The following LRRC4C variants were observed in gnomAD, a reference collection of about 807,000 sequenced individuals.
LRRC4C encodes leucine-rich repeat-containing protein 4C.
A neutral mutation model predicts 33.6 loss-of-function variants in LRRC4C; 5 were observed. The observed-to-expected ratio is 0.15, with a 90% confidence interval of 0.08 to 0.31. The LOEUF is 0.31. LRRC4C is among the 10% of genes least tolerant of loss of function. The probability of loss-of-function intolerance (pLI) is 1.00; values close to 1 mark genes in which losing one functional copy is unlikely to be tolerated. For missense variants in LRRC4C, 560 were observed against 796.7 expected (o/e 0.70, Z 3.58); for synonymous variants, 329 against 302.0 (o/e 1.09, Z -0.93).
intron 1 of LRRC4C, among the ~76,000 whole-genome samples, chr11:41,442,621 C>T (rs1955670528): frequency 6.6e-6 from 1 of 151,728 alleles, no homozygotes. Context: ...AGGCGCCCAT[C>T]ACCACGCCCA....
At chr11:40,316,206 A>G (rs1035862077) in intron 4 of LRRC4C, among the ~76,000 whole-genome samples, 1 of 152,012 alleles carries the variant, frequency 6.6e-6, no homozygotes, top group Admixed American at 6.6e-5. Flanking sequence ...GAAATTATGT[A>G]ACTCATTATA....
intron 3 of LRRC4C, among the ~76,000 whole-genome samples, chr11:40,646,200 C>T (rs568230462): frequency 6.6e-6 from 1 of 152,042 alleles, no homozygotes; most frequent in Admixed American, 6.6e-5. Flanking sequence ...GCTGCAGAGG[C>T]CATGATAGGC....
At chr11:40,681,307 A>G (rs1371801533) in intron 2 of LRRC4C, among the ~76,000 whole-genome samples, 1 of 152,184 alleles carries the variant, frequency 6.6e-6, no homozygotes, top group African/African-American at 2.4e-5. Flanking sequence ...CTTTCAAAAA[A>G]CCTAAGAGTC....
At chr11:40,451,938 G>T (rs1951906482) in intron 3 of LRRC4C, among the ~76,000 whole-genome samples, 1 of 152,076 alleles carries the variant, frequency 6.6e-6, no homozygotes, top group Admixed American at 6.6e-5. Context: ...TCAGACAGTG[G>T]GTGCAGGACA....
At chr11:40,131,822 G>A (rs1167313820) in intron 6 of LRRC4C, among the ~76,000 whole-genome samples, 2 of 152,064 alleles carry the variant, frequency 1.3e-5, no homozygotes, top group Non-Finnish European at 2.9e-5. Flanking sequence ...TGGTTGATGC[G>A]TCAACTATAA....
chr11:41,432,887 G>T (rs1478092471), intron 1 of LRRC4C, among the ~76,000 whole-genome samples: 1 of 152,156 alleles, frequency 6.6e-6, no homozygotes, highest in Non-Finnish European at 1.5e-5. Context: ...TCTGCAGGAA[G>T]TTTCCCACTT....
At chr11:40,156,252 A>C (rs547430012) in intron 5 of LRRC4C, among the ~76,000 whole-genome samples, 2 of 152,276 alleles carry the variant, frequency 1.3e-5, no homozygotes, top group South Asian at 4.1e-4. Flanking sequence ...ATAATACCGA[A>C]TGGGGAAAAG....
At chr11:41,249,343 T>C (rs1948563177) in intron 1 of LRRC4C, among the ~76,000 whole-genome samples, 1 of 152,116 alleles carries the variant, frequency 6.6e-6, no homozygotes, top group Non-Finnish European at 1.5e-5. Context: ...CAAGATACTA[T>C]CTTCTTATAC....
intron 5 of LRRC4C, among the ~76,000 whole-genome samples, chr11:40,188,730 AC>A (rs1807540974): frequency 6.6e-6 from 1 of 152,192 alleles, no homozygotes; most frequent in Non-Finnish European, 1.5e-5. Flanking sequence ...ACACATGCAC[AC>A]ACACATACAT....
At chr11:41,120,866 A>G (rs1209252915) in intron 1 of LRRC4C, among the ~76,000 whole-genome samples, 1 of 151,996 alleles carries the variant, frequency 6.6e-6, no homozygotes, top group African/African-American at 2.4e-5. Context: ...ATGAAATCTG[A>G]TGGTATAAGT....
At chr11:40,980,417 A>C (rs1307369564) in intron 1 of LRRC4C, among the ~76,000 whole-genome samples, 1 of 152,236 alleles carries the variant, frequency 6.6e-6, no homozygotes, top group Non-Finnish European at 1.5e-5. Context: ...AATTCAATTT[A>C]GAGTAGTTTT....
chr11:40,879,771 G>A (rs1377013824), intron 2 of LRRC4C, among the ~76,000 whole-genome samples: 1 of 152,020 alleles, frequency 6.6e-6, no homozygotes, highest in African/African-American at 2.4e-5. Context: ...AATAAATAAG[G>A]CAAAAAGATT....
intron 5 of LRRC4C, among the ~76,000 whole-genome samples, chr11:40,159,910 T>C (rs1206918539): frequency 6.6e-6 from 1 of 152,236 alleles, no homozygotes; most frequent in Non-Finnish European, 1.5e-5. Flanking sequence ...TAGAATAATA[T>C]TTGGCATGTA....
At chr11:41,410,848 T>C (rs541631314) in intron 1 of LRRC4C, among the ~76,000 whole-genome samples, 3 of 152,138 alleles carry the variant, frequency 2.0e-5, no homozygotes, top group African/African-American at 7.2e-5. Context: ...ATCCAGACAA[T>C]AATCCTTTAT....
At chr11:40,727,651 T>G (rs1025159992) in intron 2 of LRRC4C, among the ~76,000 whole-genome samples, 1 of 152,180 alleles carries the variant, frequency 6.6e-6, no homozygotes, top group East Asian at 1.9e-4. Flanking sequence ...TCACAAACTA[T>G]GCATTCAACA....
intron 1 of LRRC4C, among the ~76,000 whole-genome samples, chr11:41,226,030 T>A (rs1262158553): frequency 2.6e-5 from 4 of 152,202 alleles, no homozygotes; most frequent in Non-Finnish European, 5.9e-5. Flanking sequence ...AGTGGTTTAA[T>A]GATTTTATGT....
At chr11:40,707,733 T>A (rs1946241327) in intron 2 of LRRC4C, among the ~76,000 whole-genome samples, 2 of 152,188 alleles carry the variant, frequency 1.3e-5, no homozygotes, top group Non-Finnish European at 2.9e-5. Flanking sequence ...ATAAAATGAG[T>A]TAGGGAGGAT....
chr11:41,283,376 G>T (rs569181951), intron 1 of LRRC4C, among the ~76,000 whole-genome samples: 1 of 152,028 alleles, frequency 6.6e-6, no homozygotes, highest in Non-Finnish European at 1.5e-5. Flanking sequence ...CTAACCACAG[G>T]GGATGTTACT....
At chr11:40,670,925 T>G (rs979335418) in intron 2 of LRRC4C, among the ~76,000 whole-genome samples, 10 of 152,000 alleles carry the variant, frequency 6.6e-5, no homozygotes, top group South Asian at 2.1e-4. Context: ...CACCACGCCC[T>G]GCTAATTTTT....
Sources: allele counts gnomAD v4.1 joint callset (sites outside exome capture counted in the v4.1 genomes callset), GRCh38; gene constraint gnomAD v4.1.1; transcripts MANE v1.5; gene names NCBI Gene and HGNC (gene_info 2026-07-23, HGNC 2026-07-21).